LRFN5: variants seen among roughly 807,000 people sequenced by gnomAD.
LRFN5 encodes the protein leucine-rich repeat and fibronectin type-III domain-containing protein 5.
LRFN5 carries 24 observed loss-of-function variants against 45.6 expected under a neutral mutation model. The observed-to-expected ratio is 0.53, with a 90% confidence interval of 0.38 to 0.74. LRFN5 has a LOEUF of 0.74. Among genes scored for constraint, LRFN5 ranks in the 30% least tolerant of loss-of-function variants. The probability of loss-of-function intolerance (pLI) is 0.00; values close to 1 mark genes in which losing one functional copy is unlikely to be tolerated. For missense variants in LRFN5, 776 were observed against 861.5 expected, an observed-to-expected ratio of 0.90 and a Z score of 1.24; for synonymous variants, 340 against 313.8, an observed-to-expected ratio of 1.08 and a Z score of -0.88.
At chr14:41,857,443 A>G (rs1035291625) in intron 2 of LRFN5, among the ~76,000 whole-genome samples, 13 of 152,206 alleles carry the variant, frequency 8.5e-5, no homozygotes, top group African/African-American at 2.9e-4. Flanking sequence ...CCCAGAATCT[A>G]TCTCCTCGTG....
rs1213726356 is a variant in LRFN5 at position 41,708,945 on chromosome 14, C to T, written c.-196-57909C>T. Reference sequence around the variant, plus strand: ...CCTAACACATGTGTTAAAAACGTATCCATCTGGTGTTCCCTAATGATATTT... The same window carrying T: ...CCTAACACATGTGTTAAAAACGTATTCATCTGGTGTTCCCTAATGATATTT... On this transcript the variant is annotated intron_variant, in intron 1 of 5. Transcript: ENST00000298119. Among the ~76,000 whole-genome samples the T allele has an allele frequency of 2.1e-5, 3 of 145,860 alleles. No individual in the cohort carries two copies. The Admixed American group carries it at 2.1e-4, about 10-fold the overall frequency.
intron 1 of LRFN5, among the ~76,000 whole-genome samples, chr14:41,721,574 A>G (rs762943074): frequency 2.0e-5 from 3 of 152,100 alleles, no homozygotes; most frequent in Admixed American, 2.0e-4. Context: ...GTGATAATGA[A>G]TTTCCTTAGT....
intron 1 of LRFN5, among the ~76,000 whole-genome samples, chr14:41,675,177 C>A (rs1400686999): frequency 6.6e-6 from 1 of 152,070 alleles, no homozygotes; most frequent in East Asian, 1.9e-4. Context: ...CAGGCAGAGA[C>A]GCTCCTCACT....
At chr14:41,724,993 T>C (rs1371168891) in intron 1 of LRFN5, among the ~76,000 whole-genome samples, 1 of 152,212 alleles carries the variant, frequency 6.6e-6, no homozygotes, top group Non-Finnish European at 1.5e-5. Context: ...AGCTGAATTG[T>C]TACATTTATT....
chr14:41,642,204 A>G (rs1325589608), intron 1 of LRFN5, among the ~76,000 whole-genome samples: 2 of 152,192 alleles, frequency 1.3e-5, no homozygotes, highest in African/African-American at 4.8e-5. Flanking sequence ...TCATCCTTCA[A>G]TAATGTGTTG....
At chr14:41,777,999 C>CT (rs913919937) in intron 2 of LRFN5, among the ~76,000 whole-genome samples, 66 of 81,802 alleles carry the variant, frequency 8.1e-4, no homozygotes, top group African/African-American at 2.5e-3. Context: ...GCATGGGATC[C>CT]TTTTTTTTTG....
chr14:41,864,004 C>T (rs1410852792), intron 2 of LRFN5, among the ~76,000 whole-genome samples: 1 of 152,130 alleles, frequency 6.6e-6, no homozygotes, highest in Non-Finnish European at 1.5e-5. Context: ...GACATGAACT[C>T]ATCCTTTTCT....
chr14:41,756,778 A>G (rs903499839), intron 1 of LRFN5, among the ~76,000 whole-genome samples: 1 of 152,178 alleles, frequency 6.6e-6, no homozygotes, highest in Admixed American at 6.5e-5. Context: ...TTCTCCGTCC[A>G]GCTTTGTTCC....
chr14:41,876,485 A>G (rs186993239), intron 2 of LRFN5, among the ~76,000 whole-genome samples: 1,778 of 144,260 alleles, frequency 0.012, 11 homozygotes, highest in Non-Finnish European at 0.017. Context: ...TTTAGTAGAG[A>G]TGGGGTTTCT....
At chr14:41,754,471 A>G (rs1470324993) in intron 1 of LRFN5, among the ~76,000 whole-genome samples, 1 of 152,058 alleles carries the variant, frequency 6.6e-6, no homozygotes, top group Non-Finnish European at 1.5e-5. Context: ...CAGAGATTCA[A>G]CTTCTTCCTG....
At position 41,670,621 on chromosome 14, in the gene LRFN5, A is replaced by G. The variant is rs139641543; in HGVS notation, c.-197+62059A>G. Reference sequence around the variant, plus strand: ...GTAGAGTGAACCTTTTGGCCTCTGAATTTAATTTTTTTGAAATTCATCTTT... The same window carrying G: ...GTAGAGTGAACCTTTTGGCCTCTGAGTTTAATTTTTTTGAAATTCATCTTT... On this transcript the variant is annotated intron_variant, in intron 1 of 5. Coordinates refer to ENST00000298119, the MANE Select transcript of LRFN5 (RefSeq NM_152447.5). 2.0e-4 allele frequency among the ~76,000 whole-genome samples: 30 copies of G among 151,892 alleles called. No individual in the cohort carries two copies. The East Asian group carries it at 5.6e-3, about 28-fold the overall frequency.
intron 2 of LRFN5, among the ~76,000 whole-genome samples, chr14:41,778,473 T>C (rs1189091633): frequency 1.3e-5 from 2 of 151,796 alleles, no homozygotes; most frequent in Non-Finnish European, 3.0e-5. Context: ...TCTTTGATTA[T>C]CGTTGGTTTC....
intron 2 of LRFN5, among the ~76,000 whole-genome samples, chr14:41,865,579 A>G (rs1889812579): frequency 6.6e-6 from 1 of 152,126 alleles, no homozygotes; most frequent in Non-Finnish European, 1.5e-5. Flanking sequence ...TCTGGTGTGT[A>G]ATTAGGAATG....
chr14:41,901,356 A>T (rs1435899545), intron 5 of LRFN5, among the ~76,000 whole-genome samples: 1 of 151,972 alleles, frequency 6.6e-6, no homozygotes, highest in Non-Finnish European at 1.5e-5. Context: ...AGTAGTTTCC[A>T]TTTATACTGA....
chr14:41,674,257 C>T (rs945248132), intron 1 of LRFN5, among the ~76,000 whole-genome samples: 4 of 132,652 alleles, frequency 3.0e-5, no homozygotes, highest in Non-Finnish European at 4.9e-5. Context: ...AGGGGCTCCT[C>T]ACTTCCCAGT....
At chr14:41,695,158 A>T (rs1323810471) in intron 1 of LRFN5, among the ~76,000 whole-genome samples, 1 of 151,972 alleles carries the variant, frequency 6.6e-6, no homozygotes, top group East Asian at 1.9e-4. Context: ...TTGTTAAGCC[A>T]AAGTCTAATC....
intron 1 of LRFN5, among the ~76,000 whole-genome samples, chr14:41,730,618 A>G (rs1052453401): frequency 2.0e-5 from 3 of 151,956 alleles, no homozygotes; most frequent in Non-Finnish European, 4.4e-5. Context: ...GTTAACACAT[A>G]TTATATAATT....
In LRFN5 at chr14:41,805,561, C is replaced by A. The variant is rs1010787628; in HGVS notation, c.-21+38532C>A. On this transcript the variant is annotated intron_variant, in intron 2 of 5. Transcript: ENST00000298119. The stretch of plus-strand genomic sequence containing the variant: ...CCCAATGCTATCCCTCCACCCCCCC[C>A]ACCCCACAGCAGTACCCAGAGTGTG... Among the ~76,000 whole-genome samples, 38 of 147,712 alleles carry A rather than the reference C, an allele frequency of 2.6e-4. No homozygotes were observed. In the East Asian group the frequency reaches 4.9e-3, roughly 19 times the overall value.
chr14:41,694,347 A>G (rs1316882596), intron 1 of LRFN5, among the ~76,000 whole-genome samples: 1 of 151,810 alleles, frequency 6.6e-6, no homozygotes, highest in African/African-American at 2.4e-5. Context: ...TTGCTTACCA[A>G]TCCTTCATCC....
Sources: gnomAD v4.1 joint callset for allele counts (sites outside exome capture counted in the v4.1 genomes callset) on GRCh38, gnomAD v4.1.1 for gene constraint, MANE v1.5 for transcripts, NCBI Gene and HGNC (gene_info 2026-07-23, HGNC 2026-07-21) for gene names.